NCAM2: variants seen among roughly 807,000 people sequenced by gnomAD.
NCAM2 encodes N-CAM-2.
In NCAM2, 30 loss-of-function variants were observed where a neutral mutation model predicts 98.1. That is an observed-to-expected ratio of 0.31 (90% CI 0.23 to 0.41). NCAM2 has a LOEUF of 0.41. Ranked by LOEUF, NCAM2 falls within the 10% of genes least tolerant of loss-of-function variation. NCAM2 has a pLI of 1.00. For missense variants in NCAM2, 867 were observed against 1,005.8 expected, an observed-to-expected ratio of 0.86 and a Z score of 1.87; for synonymous variants, 368 against 342.4, an observed-to-expected ratio of 1.07 and a Z score of -0.83.
At chr21:21,527,036 G>A (rs988449639) in intron 16 of NCAM2, among the ~76,000 whole-genome samples, 5 of 151,836 alleles carry the variant, frequency 3.3e-5, no homozygotes, top group Non-Finnish European at 5.9e-5. Flanking sequence ...ATAAAACATG[G>A]CAGATAATCT....
At chr21:21,198,461 G>C (rs2069092356) in intron 1 of NCAM2, among the ~76,000 whole-genome samples, 1 of 152,082 alleles carries the variant, frequency 6.6e-6, no homozygotes, top group Non-Finnish European at 1.5e-5. Flanking sequence ...TTCTTACCTT[G>C]AATAGAGAAT....
chr21:21,017,394 C>G (rs975098304), intron 1 of NCAM2, among the ~76,000 whole-genome samples: 1 of 137,188 alleles, frequency 7.3e-6, no homozygotes, highest in Non-Finnish European at 1.5e-5. Context: ...CCACTGCACT[C>G]CAGCCTGGCA....
In NCAM2 at chr21:21,127,869, T is replaced by C. The variant is rs146912849; in HGVS notation, c.55+129251T>C. On this transcript the variant is annotated intron_variant, in intron 1 of 17. Transcript: ENST00000400546. ...TTTTCTATATTTATGTCTCTAAATA[T>C]ATACATTTAAATTTAAATATACGTT... Among the ~76,000 whole-genome samples the C allele has an allele frequency of 1.5e-3, 222 of 152,304 alleles. 4 individuals carry two copies. Among genetic ancestry groups the C allele is most frequent in the Admixed American group, 0.014 (211 of 15,276 alleles).
At chr21:21,206,809 T>C (rs1044044813) in intron 1 of NCAM2, among the ~76,000 whole-genome samples, 7 of 152,168 alleles carry the variant, frequency 4.6e-5, no homozygotes, top group African/African-American at 1.7e-4. Flanking sequence ...TGCATGCATG[T>C]ATTCAACAGG....
intron 1 of NCAM2, among the ~76,000 whole-genome samples, chr21:21,138,583 A>T (rs1240549127): frequency 6.6e-6 from 1 of 152,096 alleles, no homozygotes; most frequent in Non-Finnish European, 1.5e-5. Flanking sequence ...TCTTTTTTTA[A>T]CATTATTGCC....
At chr21:21,157,593 A>G (rs1253102620) in intron 1 of NCAM2, among the ~76,000 whole-genome samples, 1 of 152,162 alleles carries the variant, frequency 6.6e-6, no homozygotes, top group African/African-American at 2.4e-5. Context: ...ATTTAATTAC[A>G]CTTTGTAATG....
chr21:21,449,954 G>T (rs1445811382), intron 12 of NCAM2, among the ~76,000 whole-genome samples: 1 of 151,860 alleles, frequency 6.6e-6, no homozygotes, highest in Non-Finnish European at 1.5e-5. Context: ...TTCTTTTTCT[G>T]TGTATCAGTG....
chr21:21,050,136 CAA>C (rs11412654), intron 1 of NCAM2, among the ~76,000 whole-genome samples: 49 of 138,020 alleles, frequency 3.6e-4, no homozygotes, highest in African/African-American at 1.2e-3. Context: ...CTGTAAAGTG[CAA>C]AAAAAAAAAA....
intron 16 of NCAM2, among the ~76,000 whole-genome samples, chr21:21,523,520 AACTTTT>A (rs1297952457): frequency 2.0e-5 from 3 of 151,928 alleles, no homozygotes; most frequent in Admixed American, 6.6e-5. Flanking sequence ...GTAAATTAAA[AACTTTT>A]ACTTTTCTTA....
At chr21:21,060,395 G>T (rs73220209) in intron 1 of NCAM2, among the ~76,000 whole-genome samples, 8,305 of 152,110 alleles carry the variant, frequency 0.055, 250 homozygotes, top group East Asian at 0.097. Flanking sequence ...AAATCTTCCA[G>T]ATTCTGGTAG....
At chr21:21,181,240 A>AT (rs1454507703) in intron 1 of NCAM2, among the ~76,000 whole-genome samples, 1 of 152,088 alleles carries the variant, frequency 6.6e-6, no homozygotes, top group South Asian at 2.1e-4. Flanking sequence ...TTGAGTTCTA[A>AT]TTTTTTATCA....
intron 1 of NCAM2, among the ~76,000 whole-genome samples, chr21:21,006,677 G>C (rs73228146): frequency 2.0e-5 from 3 of 152,080 alleles, no homozygotes; most frequent in Admixed American, 6.6e-5. Flanking sequence ...TTTAGTACAA[G>C]TATTCATGTA....
chr21:21,151,690 G>A (rs1026194563), intron 1 of NCAM2, among the ~76,000 whole-genome samples: 6 of 151,930 alleles, frequency 3.9e-5, no homozygotes, highest in African/African-American at 1.5e-4. Context: ...TAATCATGTT[G>A]TAATAAACTT....
At chr21:21,172,475 C>A (rs576031025) in intron 1 of NCAM2, among the ~76,000 whole-genome samples, 1 of 152,090 alleles carries the variant, frequency 6.6e-6, no homozygotes, top group East Asian at 1.9e-4. Flanking sequence ...TGTAAAATGA[C>A]ACTTTAAAAT....
chr21:21,134,411 GA>G (rs1451749125), intron 1 of NCAM2, among the ~76,000 whole-genome samples: 31 of 152,156 alleles, frequency 2.0e-4, no homozygotes, highest in African/African-American at 7.5e-4. Flanking sequence ...CTCAGAAGAA[GA>G]CAGTGGAGAC....
intron 1 of NCAM2, among the ~76,000 whole-genome samples, chr21:21,188,965 G>A (rs191406253): frequency 5.9e-5 from 9 of 152,272 alleles, no homozygotes; most frequent in Admixed American, 5.2e-4. Context: ...ATTAAATGGG[G>A]CAGGTGTCTT....
Position 21,343,718 on chromosome 21 carries a change from G to A in NCAM2, c.1044+5184G>A, listed in dbSNP as rs77316418. Among the ~76,000 whole-genome samples the A allele has an allele frequency of 4.4e-4, 67 of 152,248 alleles. No individual in the cohort carries two copies. The East Asian group carries it at 8.3e-3, about 19-fold the overall frequency. On this transcript the variant is annotated intron_variant, in intron 8 of 17. Coordinates refer to ENST00000400546, the MANE Select transcript of NCAM2 (RefSeq NM_004540.5). The stretch of plus-strand genomic sequence containing the variant: ...CCAGAAAGGAATCACCGATTCCAGC[G>A]GTACAAACTTGAGTGCCTGCAAACC...
chr21:21,370,706 A>C (rs927732636), intron 8 of NCAM2, among the ~76,000 whole-genome samples: 5 of 151,800 alleles, frequency 3.3e-5, no homozygotes, highest in African/African-American at 1.2e-4. Context: ...CTGGTCATTC[A>C]GCTGCTAAAG....
intron 1 of NCAM2, among the ~76,000 whole-genome samples, chr21:21,263,400 G>C (rs1284025215): frequency 6.6e-6 from 1 of 151,994 alleles, no homozygotes; most frequent in Admixed American, 6.6e-5. Flanking sequence ...CATGCTAATG[G>C]ATAGGAAAAA....
Sources: allele counts gnomAD v4.1 joint callset (sites outside exome capture counted in the v4.1 genomes callset), GRCh38; gene constraint gnomAD v4.1.1; transcripts MANE v1.5; gene names NCBI Gene and HGNC (gene_info 2026-07-23, HGNC 2026-07-21).